Variants in CYP3A43 observed in about 807,000 individuals in gnomAD.
The protein encoded by CYP3A43 is cytochrome P450 family 3 subfamily A member 43.
Under a neutral mutation model 58.0 loss-of-function variants are expected in CYP3A43, and 45 were observed. The ratio of observed to expected loss-of-function variants is 0.78; its 90% confidence interval spans 0.61 to 0.99. The LOEUF (loss-of-function observed/expected upper bound fraction) is 0.99. CYP3A43 is among the 50% of genes least tolerant of loss of function. The pLI is 0.00. For synonymous variants in CYP3A43, 191 were observed against 201.4 expected, an observed-to-expected ratio of 0.95 and a Z score of 0.44; for missense variants, 593 against 591.9, an observed-to-expected ratio of 1.00 and a Z score of -0.02.
intron 1 of CYP3A43, among the ~76,000 whole-genome samples, chr7:99,834,179 AT>A (rs1226646733): frequency 1.3e-5 from 2 of 152,182 alleles, no homozygotes; most frequent in African/African-American, 4.8e-5. Context: ...TTGCCAATAA[AT>A]CTAGTGCCCT....
intron 1 of CYP3A43, among the ~76,000 whole-genome samples, chr7:99,829,208 G>A (rs1816743541): frequency 6.6e-6 from 1 of 152,190 alleles, no homozygotes; most frequent in Non-Finnish European, 1.5e-5. Flanking sequence ...CCTCAACAGA[G>A]CCCATTCATC....
rs1355843007 is a variant in CYP3A43 at position 99,863,621 on chromosome 7, G to A, written c.1338G>A (p.Arg446=). 1 of 1,613,906 alleles carries A rather than the reference G, an allele frequency of 6.2e-7. No homozygotes were observed. Among genetic ancestry groups the A allele is most frequent in the African/African-American group, 1.3e-5 (1 of 74,924 alleles). ...GAGPRNCIGM[R]FALTNIKLAV... is the part of the protein sequence containing the mutation. Reference sequence around the variant, plus strand: ...GACCCCGAAACTGCATTGGCATGAGGTTTGCTCTCACAAACATAAAACTTG... The same window carrying A: ...GACCCCGAAACTGCATTGGCATGAGATTTGCTCTCACAAACATAAAACTTG... The change falls in exon 12 of 13, where the codon AGG becomes AGA. Residue 446 remains arginine, a synonymous_variant. Coordinates refer to ENST00000354829, the MANE Select transcript of CYP3A43 (RefSeq NM_057095.3).
intron 4 of CYP3A43, among the ~76,000 whole-genome samples, chr7:99,844,873 A>G (rs1817481559): frequency 6.6e-6 from 1 of 152,208 alleles, no homozygotes; most frequent in Non-Finnish European, 1.5e-5. Context: ...GATCAAGACC[A>G]TCCTGGCCAA....
In CYP3A43 at chr7:99,848,237, G is replaced by A; in HGVS notation, c.504G>A (p.Lys168=). 1 of 1,614,142 alleles carries A rather than the reference G, an allele frequency of 6.2e-7. No homozygotes were observed. Among genetic ancestry groups the A allele is most frequent in the Non-Finnish European group, 8.5e-7 (1 of 1,180,006 alleles). The change falls in exon 6 of 13, where the codon AAG becomes AAA. Residue 168 remains lysine (K), a synonymous_variant. Coordinates refer to ENST00000354829, the MANE Select transcript of CYP3A43 (RefSeq NM_057095.3). ...TGAGGCAGGAAGCAGAGAACAGCAA[G>A]TCCATCAACTTGAAAGAGTAAGTAG... The part of the protein sequence containing the change: ...RSLRQEAENS[K]SINLKDFFGA...
intron 2 of CYP3A43, among the ~76,000 whole-genome samples, chr7:99,837,149 C>CAAAAAAAAA (rs59738486): frequency 1.2e-5 from 1 of 80,586 alleles, no homozygotes; most frequent in East Asian, 4.8e-4. Context: ...ACTAAAAATA[C>CAAAAAAAAA]AAAAAAAAAA....
At chr7:99,859,784 C>T in intron 9 of CYP3A43, 46 bp from the exon 10 acceptor site, 1 of 1,611,526 alleles carries the variant, frequency 6.2e-7, no homozygotes, top group East Asian at 2.2e-5. Context: ...AACTGTGATG[C>T]TCTACACTAA....
intron 7 of CYP3A43, among the ~76,000 whole-genome samples, chr7:99,854,063 G>T (rs1817872186): frequency 6.6e-6 from 1 of 151,990 alleles, no homozygotes; most frequent in Non-Finnish European, 1.5e-5. Flanking sequence ...AGTTATTATT[G>T]ACTGTAGTCA....
intron 10 of CYP3A43, among the ~76,000 whole-genome samples, chr7:99,861,215 G>A (rs1458862629): frequency 6.6e-6 from 1 of 152,158 alleles, no homozygotes; most frequent in Non-Finnish European, 1.5e-5. Context: ...ATGAAATAGA[G>A]GATTTGCTTT....
intron 3 of CYP3A43, among the ~76,000 whole-genome samples, chr7:99,843,936 C>T (rs1031879273): frequency 2.0e-5 from 3 of 152,212 alleles, no homozygotes; most frequent in African/African-American, 4.8e-5. Context: ...CATCACCCTT[C>T]GTTGTATGAA....
intron 7 of CYP3A43, among the ~76,000 whole-genome samples, chr7:99,853,521 T>C (rs1444691474): frequency 6.6e-6 from 1 of 152,192 alleles, no homozygotes; most frequent in African/African-American, 2.4e-5. Flanking sequence ...TAGCTAAAAG[T>C]TTGCCAATTT....
At chr7:99,838,879 C>T in intron 2 of CYP3A43, 1 of 556,486 alleles carries the variant, frequency 1.8e-6, no homozygotes, top group Non-Finnish European at 3.0e-6. Context: ...ACTTGGGAGG[C>T]TGAGGCAGGA....
At chr7:99,865,539 T>C (rs1182008736) in intron 12 of CYP3A43, among the ~76,000 whole-genome samples, 2 of 148,742 alleles carry the variant, frequency 1.3e-5, no homozygotes, top group Non-Finnish European at 2.9e-5. Context: ...TATACAAAAT[T>C]AACTTTATAT....
At chr7:99,853,987 C>G (rs1303475151) in intron 7 of CYP3A43, among the ~76,000 whole-genome samples, 1 of 151,966 alleles carries the variant, frequency 6.6e-6, no homozygotes, top group Non-Finnish European at 1.5e-5. Flanking sequence ...GGAATCCATC[C>G]CCTCAAGCAT....
At chr7:99,854,130 A>G (rs1584230205) in intron 7 of CYP3A43, among the ~76,000 whole-genome samples, 1 of 151,628 alleles carries the variant, frequency 6.6e-6, no homozygotes. Context: ...ATTTTTTGTA[A>G]CCTTTTATTA....
chr7:99,838,712 G>A (rs1817194454), intron 2 of CYP3A43: 1 of 1,274,604 alleles, frequency 7.8e-7, no homozygotes, highest in African/African-American at 1.5e-5. Context: ...GGGCGTGGTG[G>A]CTCACGCCTG....
chr7:99,855,667 A>G lies in CYP3A43; in HGVS notation c.747A>G (p.Leu249=), dbSNP rs767952577. 9 of 1,613,104 alleles carry G rather than the reference A, an allele frequency of 5.6e-6. No homozygotes were observed. The Admixed American group carries it at 1.3e-4, about 24-fold the overall frequency. The change falls in exon 8 of 13, where the codon TTA becomes TTG. Residue 249 remains leucine (L), a synonymous_variant. Transcript: ENST00000354829. ...TTCCAAAAGATGTTACCCATTTTTT[A>G]AAAAATTCCATTGAAAGGATGAAAG... ...GLFPKDVTHF[L]KNSIERMKES...
chr7:99,852,640 C>T (rs1742241894), intron 7 of CYP3A43, among the ~76,000 whole-genome samples: 1 of 151,906 alleles, frequency 6.6e-6, no homozygotes. Context: ...GTATATTGAC[C>T]TTCTATCTTC....
chr7:99,839,334 T>C (rs1209465549), intron 3 of CYP3A43, 162 bp downstream of exon 3: 3 of 849,010 alleles, frequency 3.5e-6, no homozygotes, highest in Non-Finnish European at 3.9e-6. Flanking sequence ...GATCTGGGAA[T>C]TGAGCATTGC....
At chr7:99,851,948 A>G (rs1357688873) in intron 7 of CYP3A43, among the ~76,000 whole-genome samples, 1 of 152,208 alleles carries the variant, frequency 6.6e-6, no homozygotes, top group Non-Finnish European at 1.5e-5. Context: ...TCTTCTGTTT[A>G]GGTCTTCGAT....
Sources: gnomAD v4.1 joint callset for allele counts (sites outside exome capture counted in the v4.1 genomes callset) on GRCh38, gnomAD v4.1.1 for gene constraint, MANE v1.5 for transcripts, NCBI Gene and HGNC (gene_info 2026-07-23, HGNC 2026-07-21) for gene names.